Variants in ENPP2 observed in about 807,000 individuals in gnomAD.
ENPP2 encodes autotaxin.
ENPP2 carries 51 observed loss-of-function variants against 120.2 expected under a neutral mutation model. The observed-to-expected ratio is 0.42, with a 90% CI of 0.34 to 0.54. ENPP2 has a LOEUF of 0.54. ENPP2 is among the 20% of genes least tolerant of loss of function. The probability of loss-of-function intolerance (pLI) is 0.04; values close to 1 mark genes in which losing one functional copy is unlikely to be tolerated. For synonymous variants in ENPP2, 365 were observed against 366.4 expected (o/e 1.00, Z 0.04); for missense variants, 920 against 1,066.5 (o/e 0.86, Z 1.91).
intron 24 of ENPP2, among the ~76,000 whole-genome samples, chr8:119,559,416 G>A (rs763677055): frequency 2.0e-5 from 3 of 152,174 alleles, no homozygotes; most frequent in Non-Finnish European, 4.4e-5. Context: ...GGCTAGCTGG[G>A]ATTATAAGAA....
intron 9 of ENPP2, among the ~76,000 whole-genome samples, chr8:119,604,606 CTAAGT>C (rs1814565335): frequency 6.7e-6 from 1 of 149,064 alleles, no homozygotes; most frequent in Non-Finnish European, 1.5e-5. Flanking sequence ...AAAAAAAAGA[CTAAGT>C]TAAGTATTTA....
intron 1 of ENPP2, among the ~76,000 whole-genome samples, chr8:119,652,478 T>C (rs1453421551): frequency 6.6e-6 from 1 of 152,172 alleles, no homozygotes; most frequent in Non-Finnish European, 1.5e-5. Flanking sequence ...GAAATCGTTA[T>C]AGAAACAGTT....
At chr8:119,576,513 T>C (rs1301121682) in intron 19 of ENPP2, among the ~76,000 whole-genome samples, 2 of 152,204 alleles carry the variant, frequency 1.3e-5, no homozygotes, top group South Asian at 2.1e-4. Context: ...TACATAGGTG[T>C]TAAAATTATT....
intron 12 of ENPP2, 118 bp from the exon 13 acceptor site, chr8:119,590,748 G>A: frequency 3.1e-6 from 2 of 635,196 alleles, no homozygotes; most frequent in East Asian, 3.2e-5. Context: ...TTAATGGGAA[G>A]AGCCCTGACT....
intron 15 of ENPP2, among the ~76,000 whole-genome samples, chr8:119,585,774 T>C (rs955097913): frequency 6.6e-6 from 1 of 152,168 alleles, no homozygotes; most frequent in East Asian, 1.9e-4. Flanking sequence ...ATTAACAACA[T>C]TTTCTAAAGT....
chr8:119,643,641 C>T (rs1275054107), upstream of ENPP2, among the ~76,000 whole-genome samples: 1 of 152,178 alleles, frequency 6.6e-6, no homozygotes, highest in African/African-American at 2.4e-5. Context: ...CTACAAGGTA[C>T]CAAGCACTCT....
chr8:119,599,523 C>T (rs1414104489), intron 11 of ENPP2, among the ~76,000 whole-genome samples: 1 of 152,156 alleles, frequency 6.6e-6, no homozygotes, highest in Non-Finnish European at 1.5e-5. Context: ...CTATGGGTTA[C>T]TAGGCTACTT....
chr8:119,662,445 G>A lies in ENPP2; in HGVS notation c.21+10807C>T, dbSNP rs1817948508. On this transcript the variant is annotated intron_variant, in intron 1 of 25. Transcript: ENST00000427067. Reference sequence around the variant, plus strand: ...TCAAAATAGCACTACCTGGGAACTAGTTCGAAACGCAAATCCTCTGCCCAC... The same window carrying A: ...TCAAAATAGCACTACCTGGGAACTAATTCGAAACGCAAATCCTCTGCCCAC... Among the ~76,000 whole-genome samples the A allele has an allele frequency of 2.6e-5, 4 of 152,116 alleles. No homozygotes were observed. The South Asian group carries it at 8.3e-4, about 32-fold the overall frequency.
intron 8 of ENPP2, among the ~76,000 whole-genome samples, chr8:119,611,465 G>T (rs561057063): frequency 1.3e-5 from 2 of 152,192 alleles, no homozygotes; most frequent in African/African-American, 4.8e-5. Context: ...TGGTTTCCAC[G>T]TGATTAGGGC....
intron 1 of ENPP2, among the ~76,000 whole-genome samples, chr8:119,669,343 C>T (rs1236881704): frequency 1.3e-5 from 2 of 152,194 alleles, no homozygotes; most frequent in Non-Finnish European, 2.9e-5. Context: ...TTGAGTATAA[C>T]CATGTTTCAG....
chr8:119,619,357 C>G (rs926519441), intron 4 of ENPP2, 53 bp from the exon 5 acceptor site: 38 of 1,180,350 alleles, frequency 3.2e-5, no homozygotes, highest in Non-Finnish European at 4.6e-5. Context: ...AAATGCCATG[C>G]CTTGAAGCTC....
intron 2 of ENPP2, among the ~76,000 whole-genome samples, chr8:119,637,344 C>T (rs1039423041): frequency 2.6e-5 from 4 of 152,174 alleles, no homozygotes; most frequent in African/African-American, 4.8e-5. Context: ...TCACTCTTAA[C>T]CCCGCCACAC....
At chr8:119,603,712 G>A (rs1463412909) in intron 9 of ENPP2, among the ~76,000 whole-genome samples, 3 of 152,192 alleles carry the variant, frequency 2.0e-5, no homozygotes, top group Non-Finnish European at 4.4e-5. Context: ...TATACTAAAT[G>A]TATAGGTCTG....
chr8:119,600,883 G>A, intron 10 of ENPP2, 133 bp from the exon 11 acceptor site: 2 of 605,336 alleles, frequency 3.3e-6, no homozygotes, highest in Non-Finnish European at 2.9e-6. Context: ...ATTCATGTTA[G>A]CATGAAAAAC....
intron 19 of ENPP2, among the ~76,000 whole-genome samples, chr8:119,578,010 G>C (rs1812463738): frequency 6.6e-6 from 1 of 152,074 alleles, no homozygotes; most frequent in Admixed American, 6.6e-5. Context: ...TTATTTTTAT[G>C]CTCTTAAGTT....
chr8:119,649,991 G>C (rs1294561601), intron 1 of ENPP2, among the ~76,000 whole-genome samples: 3 of 152,126 alleles, frequency 2.0e-5, no homozygotes, highest in Non-Finnish European at 4.4e-5. Context: ...GTTAAATATA[G>C]AGTTACACAT....
intron 4 of ENPP2, among the ~76,000 whole-genome samples, chr8:119,620,840 C>T (rs1815843522): frequency 6.6e-6 from 1 of 152,166 alleles, no homozygotes; most frequent in Admixed American, 6.6e-5. Flanking sequence ...CCAGCAAGTA[C>T]CCCCATCCCT....
chr8:119,618,642 C>T (rs1028442254), intron 5 of ENPP2, among the ~76,000 whole-genome samples: 2 of 151,496 alleles, frequency 1.3e-5, no homozygotes, highest in African/African-American at 4.9e-5. Flanking sequence ...TGGGTTCAAG[C>T]GATTCTCATG....
chr8:119,672,653 G>A (rs1203358902), intron 1 of ENPP2, among the ~76,000 whole-genome samples: 1 of 152,166 alleles, frequency 6.6e-6, no homozygotes, highest in Non-Finnish European at 1.5e-5. Flanking sequence ...AAATAGAAAA[G>A]GACAAAGGAC....
Sources: allele counts gnomAD v4.1 joint callset (sites outside exome capture counted in the v4.1 genomes callset), GRCh38; gene constraint gnomAD v4.1.1; transcripts MANE v1.5; gene names NCBI Gene and HGNC (gene_info 2026-07-23, HGNC 2026-07-21).